KSR2: variants seen among roughly 807,000 people sequenced by gnomAD.
KSR2 encodes the protein kinase suppressor of ras 2.
In KSR2, 25 loss-of-function variants were observed where a neutral mutation model predicts 107.8. The ratio of observed to expected loss-of-function variants is 0.23; its 90% CI spans 0.17 to 0.32. The LOEUF is 0.32. KSR2 is among the 10% of genes least tolerant of loss of function. The pLI is 1.00. For missense variants in KSR2, 887 were observed against 1,268.9 expected (o/e 0.70, Z 4.57); for synonymous variants, 480 against 507.0 (o/e 0.95, Z 0.71).
intron 3 of KSR2, among the ~76,000 whole-genome samples, chr12:117,848,826 A>G (rs1314315462): frequency 3.9e-5 from 5 of 128,062 alleles, no homozygotes; most frequent in Admixed American, 7.7e-5. Flanking sequence ...GTGGGTGGTG[A>G]TGGTGGTAGT....
chr12:117,485,818 A>ATAAG, intron 14 of KSR2, 127 bp from the exon 15 acceptor site: 1 of 645,746 alleles, frequency 1.5e-6, no homozygotes, highest in Non-Finnish European at 2.8e-6. Flanking sequence ...TTATGAGATA[A>ATAAG]TAAGTCTGGG....
intron 3 of KSR2, among the ~76,000 whole-genome samples, chr12:117,791,313 TC>T (rs1418766349): frequency 6.6e-6 from 1 of 152,160 alleles, no homozygotes; most frequent in East Asian, 1.9e-4. Context: ...TCCCTTGACC[TC>T]CCAGTCACTC....
intron 4 of KSR2, among the ~76,000 whole-genome samples, chr12:117,682,160 A>G (rs952142754): frequency 4.6e-5 from 7 of 152,176 alleles, no homozygotes; most frequent in African/African-American, 1.7e-4. Context: ...CAGCAAACTA[A>G]TGCAGGAACA....
At position 117,458,120 on chromosome 12, in the gene KSR2, C is replaced by T. The variant is rs934565004; in HGVS notation, c.*9079G>A. On this transcript the variant is annotated 3_prime_UTR_variant, in exon 20 of 20. Coordinates refer to ENST00000339824, the MANE Select transcript of KSR2 (RefSeq NM_173598.6). ...CCCAGGGTCTAACACATAGTAGATGCTCAACAAATCACCCACTGAATGAAT... is the reference window on the plus strand; with the variant it reads ...CCCAGGGTCTAACACATAGTAGATGTTCAACAAATCACCCACTGAATGAAT... 6.6e-6 allele frequency: 1 copy of T among 152,222 alleles called. No homozygotes were observed. Among genetic ancestry groups the T allele is most frequent in the Admixed American group, 6.5e-5 (1 of 15,276 alleles). 9.4% of individuals were successfully genotyped at this position (152,222 alleles called of 1,614,324 possible).
At position 117,539,819 on chromosome 12, in the gene KSR2, G is replaced by C; in HGVS notation, c.1587C>G (p.Pro529=). The C allele has an allele frequency of 6.2e-7, 1 of 1,610,816 alleles. No homozygotes were observed. Among genetic ancestry groups the C allele is most frequent in the East Asian group, 2.2e-5 (1 of 44,572 alleles). Residue 529 remains proline (P), a synonymous_variant, in exon 10 of 20, where the codon CCC becomes CCG. Coordinates refer to ENST00000339824, the MANE Select transcript of KSR2 (RefSeq NM_173598.6). ...SNPSSTTSST[P]SSPAPPLPPS... Reference sequence around the variant, plus strand: ...GAGGGAGGGGGGGTGCTGGCGAGGAGGGCGTGGAGGACGTCGTGGAGGAGG... The same window carrying C: ...GAGGGAGGGGGGGTGCTGGCGAGGACGGCGTGGAGGACGTCGTGGAGGAGG...
At chr12:117,577,349 CAGA>C (rs1401867774) in intron 7 of KSR2, among the ~76,000 whole-genome samples, 1 of 125,850 alleles carries the variant, frequency 7.9e-6, no homozygotes, top group Non-Finnish European at 1.5e-5. Flanking sequence ...TACATGTTTA[CAGA>C]AGGAGAGAGA....
intron 1 of KSR2, 134 bp downstream of exon 1, chr12:117,967,942 T>TTGC: frequency 1.3e-6 from 1 of 767,536 alleles, no homozygotes; most frequent in Non-Finnish European, 2.1e-6. Flanking sequence ...CCCACCTTGC[T>TTGC]TGCCCACACC....
At chr12:117,629,049 A>T (rs551445188) in intron 5 of KSR2, among the ~76,000 whole-genome samples, 3 of 152,182 alleles carry the variant, frequency 2.0e-5, no homozygotes, top group Admixed American at 1.3e-4. Context: ...AGTTGCTAAG[A>T]CCTTGGGAAA....
intron 5 of KSR2, among the ~76,000 whole-genome samples, chr12:117,630,396 CAT>C (rs1428537597): frequency 2.0e-5 from 3 of 151,724 alleles, no homozygotes; most frequent in East Asian, 1.9e-4. Flanking sequence ...TGTGTGTGCA[CAT>C]GTGTGTGCAT....
chr12:117,940,856 C>T (rs550238746), intron 1 of KSR2, among the ~76,000 whole-genome samples: 39 of 152,146 alleles, frequency 2.6e-4, no homozygotes, highest in Middle Eastern at 3.4e-3. Flanking sequence ...GAGGCTGAGG[C>T]GGGTGGATCA....
chr12:117,600,397 G>A (rs1471995230), intron 5 of KSR2, among the ~76,000 whole-genome samples: 1 of 152,196 alleles, frequency 6.6e-6, no homozygotes, highest in Non-Finnish European at 1.5e-5. Flanking sequence ...CAGAGCCACT[G>A]TGCTCTGACA....
Position 117,489,045 on chromosome 12 carries a change from T to C in KSR2, c.2220-3354A>G, listed in dbSNP as rs758543509. 1.8e-4 allele frequency among the ~76,000 whole-genome samples: 28 copies of C among 152,294 alleles called. 1 individual carries two copies. The highest frequency in any genetic ancestry group is 6.0e-4 in the African/African-American group (25 of 41,558). On this transcript the variant is annotated intron_variant, in intron 14 of 19. Coordinates refer to ENST00000339824, the MANE Select transcript of KSR2 (RefSeq NM_173598.6). ...GCATGGATAAAGCTCACCAACATAA[T>C]GTTGAGTGAAGGAAGCCTGACACCC...
intron 4 of KSR2, among the ~76,000 whole-genome samples, chr12:117,760,150 C>T (rs557741416): frequency 4.8e-4 from 73 of 152,326 alleles, no homozygotes; most frequent in Non-Finnish European, 8.1e-4. Flanking sequence ...AATAATATTG[C>T]ATTGTATAGA....
chr12:117,941,789 C>T (rs1293952299), intron 1 of KSR2, among the ~76,000 whole-genome samples: 3 of 111,348 alleles, frequency 2.7e-5, no homozygotes, highest in Non-Finnish European at 3.6e-5. Context: ...CCAGGCCTGG[C>T]TAATTTTTTT....
At chr12:117,846,370 G>A (rs1002570816) in intron 3 of KSR2, among the ~76,000 whole-genome samples, 3 of 146,950 alleles carry the variant, frequency 2.0e-5, no homozygotes, top group East Asian at 2.0e-4. Flanking sequence ...CTTGGCTCAC[G>A]GCAGCCTTGA....
intron 16 of KSR2, among the ~76,000 whole-genome samples, chr12:117,483,364 C>T (rs1840003077): frequency 6.6e-6 from 1 of 150,966 alleles, no homozygotes. Flanking sequence ...TGGGGCATTC[C>T]TCAAAAAAAT....
intron 1 of KSR2, among the ~76,000 whole-genome samples, chr12:117,936,561 T>C (rs559579391): frequency 7.3e-5 from 11 of 151,220 alleles, no homozygotes; most frequent in Admixed American, 3.3e-4. Flanking sequence ...GTAGTAGTAG[T>C]AGTAGTAGTA....
intron 4 of KSR2, among the ~76,000 whole-genome samples, chr12:117,733,024 G>A (rs1046733845): frequency 4.6e-5 from 7 of 152,146 alleles, no homozygotes; most frequent in Admixed American, 2.0e-4. Flanking sequence ...CTGTGTCCTG[G>A]GAGGCACACT....
chr12:117,964,356 T>G (rs1317278037), intron 1 of KSR2, among the ~76,000 whole-genome samples: 1 of 152,224 alleles, frequency 6.6e-6, no homozygotes, highest in Non-Finnish European at 1.5e-5. Flanking sequence ...TGTTTCCCTT[T>G]GCTTAACTCA....
Sources: allele counts gnomAD v4.1 joint callset (sites outside exome capture counted in the v4.1 genomes callset), GRCh38; gene constraint gnomAD v4.1.1; transcripts MANE v1.5; gene names NCBI Gene and HGNC (gene_info 2026-07-23, HGNC 2026-07-21).